The following MACF1 variants were observed in gnomAD, a reference collection of about 807,000 sequenced individuals.
The protein encoded by MACF1 is microtubule-actin cross-linking factor 1.
In MACF1, 193 loss-of-function variants were observed where a neutral mutation model predicts 854.8. The ratio of observed to expected loss-of-function variants is 0.23; its 90% CI spans 0.20 to 0.25. MACF1 has a LOEUF of 0.25. Ranked by LOEUF, MACF1 falls within the 10% of genes least tolerant of loss-of-function variation. The probability of loss-of-function intolerance (pLI) is 1.00; values close to 1 mark genes in which losing one functional copy is unlikely to be tolerated. For missense variants in MACF1, 7,722 were observed against 8,929.1 expected (o/e 0.86, Z 5.45); for synonymous variants, 3,185 against 3,226.7 (o/e 0.99, Z 0.44).
At chr1:39,413,235 A>C (rs1643111903) in intron 58 of MACF1, 7 of 1,613,068 alleles carry the variant, frequency 4.3e-6, no homozygotes, top group East Asian at 2.2e-5. Context: ...CTGATACTGC[A>C]GCTGTCAGAG....
Position 39,453,742 on chromosome 1 carries a change from C to T in MACF1, c.20778C>T (p.Asp6926=), listed in dbSNP as rs757674338. The change falls in exon 88 of 101, where the codon GAC becomes GAT. Residue 6926 remains aspartate, a synonymous_variant. Coordinates refer to ENST00000564288, the MANE Select transcript of MACF1 (RefSeq NM_001394062.1). ...FMKKVEEKRV[D]VNSAVAMGEV... Reference sequence around the variant, plus strand: ...AGAAAGTAGAAGAAAAGCGAGTGGACGTTAACTCAGCAGTAGCCATGGGAG... The same window carrying T: ...AGAAAGTAGAAGAAAAGCGAGTGGATGTTAACTCAGCAGTAGCCATGGGAG... 115 of 1,613,972 alleles carry T rather than the reference C, an allele frequency of 7.1e-5. No individual in the cohort carries two copies. Among genetic ancestry groups the T allele is most frequent in the East Asian group, 6.0e-4 (27 of 44,902 alleles).
intron 2 of MACF1, among the ~76,000 whole-genome samples, chr1:39,160,771 C>T (rs1643782329): frequency 1.3e-5 from 2 of 152,212 alleles, no homozygotes; most frequent in African/African-American, 2.4e-5. Context: ...GAGTTAGATA[C>T]AAACCATTGC....
intron 6 of MACF1, among the ~76,000 whole-genome samples, chr1:39,265,228 G>A (rs1379280086): frequency 6.6e-6 from 1 of 152,044 alleles, no homozygotes; most frequent in Admixed American, 6.6e-5. Flanking sequence ...GCATATAGAT[G>A]AGGCACCATT....
At chr1:39,437,638 C>A in intron 70 of MACF1, 139 bp from the exon 71 acceptor site, 1 of 767,530 alleles carries the variant, frequency 1.3e-6, no homozygotes, top group Non-Finnish European at 2.3e-6. Context: ...CCAAACTCAA[C>A]ACTTAATAGC....
chr1:39,214,022 A>G (rs1247639486), intron 1 of MACF1, among the ~76,000 whole-genome samples: 1 of 152,128 alleles, frequency 6.6e-6, no homozygotes, highest in African/African-American at 2.4e-5. Context: ...GAAAGCTTGC[A>G]TTTACTTTTT....
chr1:39,205,126 G>A lies in MACF1; in HGVS notation c.104G>A (p.Arg35Lys), dbSNP rs777246296. The change falls in exon 1 of 101, where the codon AGA (arginine) becomes AAA (lysine). Residue 35 changes from arginine to lysine, a missense_variant. By Grantham distance (26) the Arg-to-Lys change is conservative. Around this residue, in one of 15 missense-constraint regions of MACF1, gnomAD observed 22 missense variants for 16.1 expected, o/e 1.37. Coordinates refer to ENST00000564288, the MANE Select transcript of MACF1 (RefSeq NM_001394062.1). ...TACTGGAAGAGGCATGCCAGAGGTAGAGCAGGTAACTAACTGGTACCCAGT... is the reference window on the plus strand; with the variant it reads ...TACTGGAAGAGGCATGCCAGAGGTAAAGCAGGTAACTAACTGGTACCCAGT... ...VLYWKRHARGRADERDRVQKK... is the reference protein window; with the variant it reads ...VLYWKRHARGKADERDRVQKK... The A allele has an allele frequency of 2.8e-6, 2 of 702,886 alleles. No individual in the cohort carries two copies. The highest frequency in any genetic ancestry group is 2.0e-5 in the Admixed American group (1 of 49,994). The allele number at this position is 702,886 out of a possible 1,614,324, so 43.5% of individuals were successfully genotyped here.
At chr1:39,194,346 CTTTTCTTTT>C (rs1237719881) in intron 2 of MACF1, among the ~76,000 whole-genome samples, 1,100 of 34,772 alleles carry the variant, frequency 0.032, 5 homozygotes, top group East Asian at 0.042. Flanking sequence ...CTTTTCTTTT[CTTTTCTTTT>C]TTTTTTTTTT....
intron 50 of MACF1, 38 bp downstream of exon 50, chr1:39,368,352 A>AT (rs765862737): frequency 1.9e-6 from 3 of 1,573,814 alleles, no homozygotes; most frequent in Non-Finnish European, 2.6e-6. Context: ...TTGGGGAACT[A>AT]TTTTTTCTTG....
Position 39,393,194 on chromosome 1 carries a change from AAAATATATATAT to A in MACF1, c.15816+4538_15816+4549del, listed in dbSNP as rs1372911867. Among the ~76,000 whole-genome samples, 36 of 79,250 alleles carry A rather than the reference AAAATATATATAT, an allele frequency of 4.5e-4. 1 individual carries two copies. The South Asian group carries it at 0.011, about 24-fold the overall frequency. 52.0% of individuals were successfully genotyped at this position (79,250 alleles called of 152,430 possible). Reference sequence around the variant, plus strand: ...TCCTGGGAAGGGTAAAAAAAAAAAAAAAATATATATATATATATATATATATATATGTTAAGT... The same window carrying A: ...TCCTGGGAAGGGTAAAAAAAAAAAAAATATATATATATATATATGTTAAGT... On this transcript the variant is annotated intron_variant, in intron 58 of 100. Transcript: ENST00000564288.
At chr1:39,204,625 C>CT (rs1432142859), upstream of MACF1, 1 of 158,392 alleles carries the variant, frequency 6.3e-6, no homozygotes, top group Admixed American at 6.4e-5. Flanking sequence ...GTGACGTCCT[C>CT]TGACACCCTC....
intron 89 of MACF1, among the ~76,000 whole-genome samples, chr1:39,455,474 G>A (rs1033712042): frequency 4.6e-5 from 7 of 152,148 alleles, no homozygotes; most frequent in African/African-American, 1.7e-4. Flanking sequence ...CCTTCTAGAG[G>A]CCCCCTCAGG....
In MACF1 at chr1:39,468,480, G is replaced by A. The variant is rs1041895800; in HGVS notation, c.21772-135G>A. 2.9e-5 allele frequency: 19 copies of A among 665,636 alleles called. No individual in the cohort carries two copies. The African/African-American group carries it at 3.5e-4, about 12-fold the overall frequency. The allele number at this position is 665,636 out of a possible 1,614,324, so 41.2% of individuals were successfully genotyped here. A position where few individuals can be genotyped will look rare whatever the true frequency, so the allele number is the denominator to read the frequency against. ...ATCCTTTTGTGAAATATATAAAAAT[G>A]CAAAATTGTGAGAGTTAACAATTCT... On this transcript the variant is annotated intron_variant, in intron 95 of 100. Transcript: ENST00000564288.
At chr1:39,352,380 A>C (rs17264671) in intron 43 of MACF1, among the ~76,000 whole-genome samples, 24,349 of 152,172 alleles carry the variant, frequency 0.16, 2,432 homozygotes, top group Middle Eastern at 0.22. Context: ...AGGAAAGAGC[A>C]GCCCGGTAAC....
chr1:39,089,335 AAG>A lies in MACF1; in HGVS notation c.220+4898_220+4899del, dbSNP rs540499189. ...CATTTATTCATTCCTTCAACTAAAA[AAG>A]GGGTTAAGCTATGTGCCAGTAGAAA... On this transcript the variant is annotated intron_variant, in intron 2 of 93. Coordinates refer to the MACF1 transcript ENST00000361689. 2.3e-3 allele frequency among the ~76,000 whole-genome samples: 351 copies of A among 152,326 alleles called. 2 individuals are homozygous for A. Among genetic ancestry groups the A allele is most frequent in the African/African-American group, 8.2e-3 (339 of 41,560 alleles).
intron 38 of MACF1, among the ~76,000 whole-genome samples, chr1:39,338,900 A>G (rs986465300): frequency 6.6e-6 from 1 of 152,202 alleles, no homozygotes; most frequent in African/African-American, 2.4e-5. Flanking sequence ...ACTCCACTTC[A>G]GCATCCAGAA....
intron 56 of MACF1, among the ~76,000 whole-genome samples, chr1:39,384,032 G>A (rs1270825837): frequency 4.6e-5 from 7 of 152,114 alleles, no homozygotes; most frequent in Non-Finnish European, 1.0e-4. Context: ...ATTTTAAAAG[G>A]CAAATAACAT....
intron 2 of MACF1, among the ~76,000 whole-genome samples, chr1:39,119,418 TTTGTTG>T (rs149476759): frequency 0.16 from 24,207 of 151,402 alleles, 2,398 homozygotes; most frequent in Middle Eastern, 0.24. Context: ...CATTTCTTAG[TTTGTTG>T]TTGTTGTTGT....
At chr1:39,166,038 A>G (rs909192322) in intron 2 of MACF1, among the ~76,000 whole-genome samples, 10 of 149,924 alleles carry the variant, frequency 6.7e-5, no homozygotes, top group African/African-American at 2.5e-4. Flanking sequence ...TCAGCCCCAT[A>G]TAGTTTAGTG....
chr1:39,349,543 G>A lies in MACF1; in HGVS notation c.10881G>A (p.Gln3627=), dbSNP rs138127207. The part of the protein sequence containing the change: ...QLEDLCSWVG[Q]AERALAGHQG... ...AGGATCTTTGCAGTTGGGTAGGACA[G>A]GCAGAAAGAGCACTGGCAGGCCACC... Residue 3627 remains glutamine (Q), a synonymous_variant, in exon 42 of 101, where the codon CAG becomes CAA. Coordinates refer to ENST00000564288, the MANE Select transcript of MACF1 (RefSeq NM_001394062.1). 2.6e-4 allele frequency: 416 copies of A among 1,614,238 alleles called. No individual in the cohort carries two copies. The Middle Eastern group carries it at 4.0e-3, about 15-fold the overall frequency.
Sources: gnomAD v4.1 joint callset for allele counts (sites outside exome capture counted in the v4.1 genomes callset) on GRCh38, gnomAD v4.1.1 for gene constraint, gnomAD v4.1.1 regional missense constraint, MANE v1.5 for transcripts, NCBI Gene and HGNC (gene_info 2026-07-23, HGNC 2026-07-21) for gene names.